Variants in ZBTB4 observed in about 807,000 individuals in gnomAD.
ZBTB4 encodes the protein zinc finger and BTB domain-containing protein 4.
In ZBTB4, 14 loss-of-function variants were observed where a neutral mutation model predicts 59.8. The observed-to-expected ratio is 0.23, with a 90% confidence interval of 0.15 to 0.37. The LOEUF is 0.37. ZBTB4 is among the 10% of genes least tolerant of loss of function. The probability of loss-of-function intolerance (pLI) is 1.00; values close to 1 mark genes in which losing one functional copy is unlikely to be tolerated. For missense variants in ZBTB4, 1,198 were observed against 1,380.8 expected (o/e 0.87, Z 2.10); for synonymous variants, 587 against 575.2 (o/e 1.02, Z -0.29).
chr17:7,481,987 G>A, upstream of ZBTB4: 2 of 1,588,016 alleles, frequency 1.3e-6, no homozygotes, highest in Non-Finnish European at 1.7e-6. Context: ...CTCCCTAACA[G>A]GCTGGCAGTC....
At position 7,461,950 on chromosome 17, in the gene ZBTB4, T is replaced by G. The variant is rs2070026046; in HGVS notation, c.3032A>C (p.Asp1011Ala). 2 of 1,547,522 alleles carry G rather than the reference T, an allele frequency of 1.3e-6. No individual in the cohort carries two copies. Among genetic ancestry groups the G allele is most frequent in the Non-Finnish European group, 1.7e-6 (2 of 1,145,628 alleles). Residue 1011 changes from aspartate (D) to alanine (A), a missense_variant, in exon 4 of 4, where the codon GAT becomes GCT. Coordinates refer to ENST00000380599, the MANE Select transcript of ZBTB4 (RefSeq NM_001128833.2). ...ATTGAGCCCCAGGGTTCACCCCACA[T>G]CGCCCTTCTGGGTTCTCTCAACCCC... ...RAGVERTQKG[D>A]VG
At chr17:7,478,087 C>A (rs866854410) in intron 1 of ZBTB4, among the ~76,000 whole-genome samples, 1 of 152,110 alleles carries the variant, frequency 6.6e-6, no homozygotes, top group African/African-American at 2.4e-5. Flanking sequence ...AGCCTGCTTG[C>A]GGCTGGCCTC....
chr17:7,483,830 C>T (rs947783118), upstream of ZBTB4, among the ~76,000 whole-genome samples: 6 of 152,222 alleles, frequency 3.9e-5, no homozygotes, highest in African/African-American at 1.2e-4. Context: ...CGCGGCATTA[C>T]AGGCCAGGAG....
chr17:7,461,807 A>T lies in ZBTB4; in HGVS notation c.*133T>A. On this transcript the variant is annotated 3_prime_UTR_variant, in exon 4 of 4. Transcript: ENST00000380599. ...CTCACACAAAGCAGCCTGACCCCTG[A>T]GCTCCAGGGGCCCCCAAGTCCCTGC... The T allele has an allele frequency of 1.5e-6, 1 of 686,714 alleles. No individual in the cohort carries two copies. The allele number at this position is 686,714 out of a possible 1,614,324, so 42.5% of individuals were successfully genotyped here. A position where few individuals can be genotyped will look rare whatever the true frequency, so the allele number is the denominator to read the frequency against.
chr17:7,483,573 G>A (rs1291236002), upstream of ZBTB4: 1 of 158,906 alleles, frequency 6.3e-6, no homozygotes, highest in Non-Finnish European at 1.4e-5. Context: ...AACCCCTTGG[G>A]ATCCCCGCCC....
intron 1 of ZBTB4, among the ~76,000 whole-genome samples, chr17:7,477,412 G>A (rs867951401): frequency 3.9e-5 from 6 of 152,304 alleles, no homozygotes; most frequent in Admixed American, 6.5e-5. Flanking sequence ...TCACCAGACC[G>A]TCACTGTGCA....
chr17:7,483,142 A>G (rs919554261), upstream of ZBTB4: 324 of 1,453,632 alleles, frequency 2.2e-4, 2 homozygotes, highest in Non-Finnish European at 6.9e-5. Context: ...TGACTTGGGG[A>G]CTTGGTGGAG....
chr17:7,465,929 G>A lies in ZBTB4; in HGVS notation c.873C>T (p.Gly291=), dbSNP rs901668929. 6 of 1,609,518 alleles carry A rather than the reference G, an allele frequency of 3.7e-6. No homozygotes were observed. The Middle Eastern group carries it at 5.0e-4, about 133-fold the overall frequency. The part of the protein sequence containing the change: ...VDASALPPPV[G]FRGGPEHVVK... The stretch of plus-strand genomic sequence containing the variant: ...CCACGTGCTCGGGGCCCCCTCGGAA[G>A]CCCACTGGTGGAGGCAGGGCTGAGG... Residue 291 remains glycine (G), a synonymous_variant, in exon 3 of 4, where the codon GGC becomes GGT. Transcript: ENST00000380599.
Position 7,466,726 on chromosome 17 carries a change from G to GTTCATT in ZBTB4, c.75_76insAATGAA (p.Leu25_Arg26insAsnGlu). ...AGGGTGACGTCACAGAAGAGGCCACGGAGCCGCTGTTCATTGAGCTGGCGC... is the reference window on the plus strand; with the variant it reads ...AGGGTGACGTCACAGAAGAGGCCACGTTCATTGAGCCGCTGTTCATTGAGCTGGCGC... On this transcript the variant is annotated inframe_insertion, in exon 3 of 4. Coordinates refer to ENST00000380599, the MANE Select transcript of ZBTB4 (RefSeq NM_001128833.2). This position sits in a 1 kb window ranked among gnomAD's most constrained non-coding sequence, Gnocchi z 9.1. 6.2e-7 allele frequency: 1 copy of GTTCATT among 1,602,290 alleles called. No individual in the cohort carries two copies. Among genetic ancestry groups the GTTCATT allele is most frequent in the Non-Finnish European group, 8.5e-7 (1 of 1,175,306 alleles).
rs1362001366 is a variant in ZBTB4, at chr17:7,460,440, C to G, written c.*1500G>C. 2 of 152,538 alleles carry G rather than the reference C, an allele frequency of 1.3e-5. No homozygotes were observed. The highest frequency in any genetic ancestry group is 2.9e-5 in the Non-Finnish European group (2 of 68,044). The allele number at this position is 152,538 out of a possible 1,614,324, so 9.4% of individuals were successfully genotyped here. On this transcript the variant is annotated 3_prime_UTR_variant, in exon 4 of 4. Transcript: ENST00000380599. ...GCCATCTTGGCCCCAAAAACAGTAG[C>G]TGGGGAAAAGGCTGCCATTTTGATG...
chr17:7,482,969 A>G (rs750526330), upstream of ZBTB4: 4 of 1,611,964 alleles, frequency 2.5e-6, no homozygotes, highest in Non-Finnish European at 3.4e-6. Context: ...CTGGAACCTC[A>G]GCTGTGAGAG....
Position 7,463,388 on chromosome 17 carries a change from T to G in ZBTB4, c.1594A>C (p.Thr532Pro). Residue 532 changes from threonine (T) to proline (P), a missense_variant, in exon 4 of 4, where the codon ACA becomes CCA. Coordinates refer to ENST00000380599, the MANE Select transcript of ZBTB4 (RefSeq NM_001128833.2). ...YPPPPPEPAA[T>P]PTSPATAVSP... ...ACTGCTGTGGCTGGGCTGGTGGGTG[T>G]GGCTGCAGGCTCAGGGGGAGGAGGT... is the stretch of plus-strand genomic sequence containing the variant. The G allele has an allele frequency of 6.3e-7, 1 of 1,596,020 alleles. No individual in the cohort carries two copies.
intron 1 of ZBTB4, among the ~76,000 whole-genome samples, chr17:7,473,236 C>A (rs937404825): frequency 6.6e-6 from 1 of 151,620 alleles, no homozygotes; most frequent in East Asian, 1.9e-4. Context: ...CCTCAGCCTC[C>A]GGAGTAGCTG....
chr17:7,474,656 G>A (rs2070244859), intron 1 of ZBTB4, among the ~76,000 whole-genome samples: 1 of 152,106 alleles, frequency 6.6e-6, no homozygotes, highest in African/African-American at 2.4e-5. Context: ...CATCCTCCAG[G>A]ATGGAAGCCA....
intron 3 of ZBTB4, among the ~76,000 whole-genome samples, chr17:7,464,431 G>GA (rs55956412): frequency 1.4e-3 from 139 of 96,160 alleles, no homozygotes; most frequent in East Asian, 9.1e-3. Context: ...GTCAAAAAAA[G>GA]AAAAAAAAAA....
intron 1 of ZBTB4, among the ~76,000 whole-genome samples, chr17:7,477,380 C>A (rs1363317346): frequency 6.6e-6 from 1 of 152,208 alleles, no homozygotes; most frequent in African/African-American, 2.4e-5. Flanking sequence ...CTCCTCAGCC[C>A]TGGACCATGG....
chr17:7,481,971 TCC>T, upstream of ZBTB4: 3 of 1,571,010 alleles, frequency 1.9e-6, no homozygotes, highest in Non-Finnish European at 2.6e-6. Flanking sequence ...TACCCTGAGC[TCC>T]TTTCTCCCTA....
chr17:7,463,994 C>G (rs1039123838), intron 3 of ZBTB4, 104 bp from the exon 4 acceptor site: 1 of 1,500,140 alleles, frequency 6.7e-7, no homozygotes, highest in African/African-American at 1.4e-5. Context: ...CCTGTGACTC[C>G]CGTAGCCTTG....
chr17:7,474,049 TG>T (rs2070235135), intron 1 of ZBTB4, among the ~76,000 whole-genome samples: 1 of 152,006 alleles, frequency 6.6e-6, no homozygotes, highest in Non-Finnish European at 1.5e-5. Context: ...CCCAAAAACC[TG>T]GAACTACAGG....
Sources: allele counts gnomAD v4.1 joint callset (sites outside exome capture counted in the v4.1 genomes callset), GRCh38; gene constraint gnomAD v4.1.1; non-coding constraint Gnocchi (gnomAD v3.1); transcripts MANE v1.5; gene names NCBI Gene and HGNC (gene_info 2026-07-23, HGNC 2026-07-21).